AGA: variants seen among roughly 807,000 people sequenced by gnomAD.
AGA encodes the protein N(4)-(beta-N-acetylglucosaminyl)-L-asparaginase.
AGA carries 31 observed loss-of-function variants against 40.1 expected under a neutral mutation model. The ratio of observed to expected loss-of-function variants is 0.77; its 90% CI spans 0.58 to 1.04. AGA has a LOEUF of 1.04. Ranked by LOEUF, AGA falls within the 50% of genes least tolerant of loss-of-function variation. AGA has a pLI of 0.00. For synonymous variants in AGA, 148 were observed against 144.0 expected, an observed-to-expected ratio of 1.03 and a Z score of -0.20; for missense variants, 445 against 435.4, an observed-to-expected ratio of 1.02 and a Z score of -0.20.
Position 177,431,196 on chromosome 4 carries a change from T to C in AGA, c.*512A>G, listed in dbSNP as rs563420628. On this transcript the variant is annotated 3_prime_UTR_variant, in exon 9 of 9. Transcript: ENST00000264595. ...AAAACAAAGAGTATCTCATGTTCTATCATCTTCCTTCCTCAAGTTTTTAGG... is the reference window on the plus strand; with the variant it reads ...AAAACAAAGAGTATCTCATGTTCTACCATCTTCCTTCCTCAAGTTTTTAGG... The C allele has an allele frequency of 4.5e-6, 2 of 440,788 alleles. No individual in the cohort carries two copies. Among genetic ancestry groups the C allele is most frequent in the South Asian group, 3.3e-5 (2 of 61,058 alleles). The allele number at this position is 440,788 out of a possible 1,614,324, so 27.3% of individuals were successfully genotyped here.
rs906239479 is a variant in AGA at position 177,430,788 on chromosome 4, A to T, written c.*920T>A. On this transcript the variant is annotated 3_prime_UTR_variant, in exon 9 of 9. Coordinates refer to ENST00000264595, the MANE Select transcript of AGA (RefSeq NM_000027.4). ...AAATTCTAAAGTTTGAATATCGTAC[A>T]TGTACATTTATTAATGACTGTTGAT... The T allele has an allele frequency of 4.4e-6, 2 of 453,166 alleles. No homozygotes were observed. The highest frequency in any genetic ancestry group is 8.8e-6 in the Non-Finnish European group (2 of 226,146). 28.1% of individuals were successfully genotyped at this position (453,166 alleles called of 1,614,324 possible).
Position 177,431,033 on chromosome 4 carries a change from CTAAA to C in AGA, c.*671_*674del, listed in dbSNP as rs1243641890. ...TCATTTTTAAAAGAAACGATCAATA[CTAAA>C]TATTAGCAGCTAAAACATCATTGAT... is the stretch of plus-strand genomic sequence containing the variant. On this transcript the variant is annotated 3_prime_UTR_variant, in exon 9 of 9. Coordinates refer to ENST00000264595, the MANE Select transcript of AGA (RefSeq NM_000027.4). 5.9e-5 allele frequency: 27 copies of C among 453,880 alleles called. No homozygotes were observed. Among genetic ancestry groups the C allele is most frequent in the Non-Finnish European group, 1.1e-4 (24 of 226,772 alleles). 28.1% of individuals were successfully genotyped at this position (453,880 alleles called of 1,614,324 possible).
chr4:177,431,612 T>C lies in AGA; in HGVS notation c.*96A>G, dbSNP rs141424240. ...TTGTGTTTATTTTACAAAAAGACTT[T>C]AGAACACATGAGGAACACTAGATGA... On this transcript the variant is annotated 3_prime_UTR_variant, in exon 9 of 9. Coordinates refer to ENST00000264595, the MANE Select transcript of AGA (RefSeq NM_000027.4). 9.8e-7 allele frequency: 1 copy of C among 1,021,018 alleles called. No homozygotes were observed. Among genetic ancestry groups the C allele is most frequent in the African/African-American group, 1.6e-5 (1 of 62,770 alleles). The allele number at this position is 1,021,018 out of a possible 1,614,324, so 63.2% of individuals were successfully genotyped here.
chr4:177,438,387 G>C (rs1736889801), intron 4 of AGA, among the ~76,000 whole-genome samples: 1 of 152,144 alleles, frequency 6.6e-6, no homozygotes, highest in Non-Finnish European at 1.5e-5. Context: ...TGGATACACT[G>C]CACGTAAAAT....
intron 6 of AGA, among the ~76,000 whole-genome samples, chr4:177,435,246 T>C (rs1448816105): frequency 6.6e-6 from 1 of 152,228 alleles, no homozygotes; most frequent in Non-Finnish European, 1.5e-5. Flanking sequence ...GTTCTCACCA[T>C]AATAAAATAG....
intron 6 of AGA, among the ~76,000 whole-genome samples, chr4:177,435,179 G>A (rs1047557459): frequency 5.3e-5 from 8 of 151,976 alleles, no homozygotes; most frequent in Admixed American, 3.3e-4. Flanking sequence ...CCAAAGAGCT[G>A]GGATTACAGG....
intron 4 of AGA, among the ~76,000 whole-genome samples, chr4:177,438,369 C>G (rs1325960479): frequency 6.6e-6 from 1 of 152,138 alleles, no homozygotes; most frequent in Non-Finnish European, 1.5e-5. Flanking sequence ...AAGTCAAGAA[C>G]AAGATACTGG....
rs752914246 is a variant in AGA, at chr4:177,439,669, C to T, written c.301G>A (p.Ala101Thr). 1.9e-6 allele frequency: 3 copies of T among 1,609,528 alleles called. No homozygotes were observed. The highest frequency in any genetic ancestry group is 2.7e-5 in the African/African-American group (2 of 74,798). Residue 101 changes from alanine to threonine, a missense_variant, in exon 3 of 9, where the codon GCA becomes ACA. Coordinates refer to ENST00000264595, the MANE Select transcript of AGA (RefSeq NM_000027.4). ...IMDGTTMDVG[A>T]VGDLRRIKNA... ...TTAATTCGTCTGAGATCTCCTACTGCTCCTACATCCATAGTAGTGCTGCAA... is the reference window on the plus strand; with the variant it reads ...TTAATTCGTCTGAGATCTCCTACTGTTCCTACATCCATAGTAGTGCTGCAA...
intron 3 of AGA, among the ~76,000 whole-genome samples, chr4:177,439,340 C>T (rs927189285): frequency 2.0e-5 from 3 of 152,170 alleles, no homozygotes; most frequent in Admixed American, 1.3e-4. Flanking sequence ...GAGATCGCGC[C>T]ATTGCACTCC....
At chr4:177,439,053 A>G (rs1736910011) in intron 3 of AGA, among the ~76,000 whole-genome samples, 196 bp from the exon 4 acceptor site, 1 of 152,184 alleles carries the variant, frequency 6.6e-6, no homozygotes, top group Non-Finnish European at 1.5e-5. Context: ...TTCCTAAAAC[A>G]GATCCACTTA....
rs537097287 is a variant in AGA, at chr4:177,442,355, C to G, written c.21G>C (p.Leu7Phe). The G allele has an allele frequency of 1.2e-6, 2 of 1,614,094 alleles. No homozygotes were observed. Among genetic ancestry groups the G allele is most frequent in the Non-Finnish European group, 8.5e-7 (1 of 1,179,960 alleles). Residue 7 changes from leucine to phenylalanine, a missense_variant, in exon 1 of 9, where the codon TTG becomes TTC. By Grantham distance (22) the Leu-to-Phe change is conservative (BLOSUM62 0). Transcript: ENST00000264595. Reference sequence around the variant, plus strand: ...GCAGAAACGGCACGAGAAGCACAGGCAAGTTCGACTTCCGCGCCATCCCTG... The same window carrying G: ...GCAGAAACGGCACGAGAAGCACAGGGAAGTTCGACTTCCGCGCCATCCCTG... MARKSN[L>F]PVLLVPFLLC...
At chr4:177,433,877 G>A (rs1736708825) in intron 7 of AGA, among the ~76,000 whole-genome samples, 1 of 151,302 alleles carries the variant, frequency 6.6e-6, no homozygotes, top group South Asian at 2.1e-4. Flanking sequence ...ACAGGACTAT[G>A]ATTACTTAAC....
At position 177,440,442 on chromosome 4, in the gene AGA, C is replaced by T. The variant is rs2111022036; in HGVS notation, c.128-16G>A. ...GCCCTCCACGCTGTTAATCAAATCC[C>T]AATAATGCTTGTTTATATATATATT... On this transcript the variant is annotated splice_polypyrimidine_tract_variant and intron_variant, in intron 1 of 8. Coordinates refer to ENST00000264595, the MANE Select transcript of AGA (RefSeq NM_000027.4). 2 of 1,612,562 alleles carry T rather than the reference C, an allele frequency of 1.2e-6. No homozygotes were observed. Among genetic ancestry groups the T allele is most frequent in the Non-Finnish European group, 1.7e-6 (2 of 1,179,626 alleles).
At position 177,438,739 on chromosome 4, in the gene AGA, GCATA is replaced by G; in HGVS notation, c.507+2_507+5del. 1 of 1,534,174 alleles carries G rather than the reference GCATA, an allele frequency of 6.5e-7. No homozygotes were observed. Among genetic ancestry groups the G allele is most frequent in the Non-Finnish European group, 9.0e-7 (1 of 1,107,266 alleles). On this transcript the variant is annotated splice_donor_variant and splice_donor_5th_base_variant and intron_variant, in intron 4 of 8. Transcript: ENST00000264595. LOFTEE classifies it high-confidence loss of function. ...ACTTATTTTTTTAAATTAAATGTGT[GCATA>G]CCCTCCAATAATTTGGCTGGCAATT...
intron 1 of AGA, among the ~76,000 whole-genome samples, chr4:177,441,602 C>G (rs192487638): frequency 6.6e-6 from 1 of 152,198 alleles, no homozygotes; most frequent in African/African-American, 2.4e-5. Flanking sequence ...GGTTCTCAAC[C>G]CTGTCTGCAA....
chr4:177,440,900 A>C (rs966326480), intron 1 of AGA, among the ~76,000 whole-genome samples: 2 of 152,172 alleles, frequency 1.3e-5, no homozygotes, highest in African/African-American at 4.8e-5. Flanking sequence ...AAACAATTAC[A>C]ACGTGGACTT....
intron 1 of AGA, among the ~76,000 whole-genome samples, chr4:177,441,883 G>C (rs1399364658): frequency 1.3e-5 from 2 of 152,186 alleles, no homozygotes; most frequent in Non-Finnish European, 2.9e-5. Flanking sequence ...GATTAGAAAC[G>C]AGAGGTGGAG....
chr4:177,436,374 C>T, intron 5 of AGA, 23 bp from the exon 6 acceptor site: 1 of 1,539,778 alleles, frequency 6.5e-7, no homozygotes, highest in Non-Finnish European at 9.0e-7. Context: ...AAAAAAAAAT[C>T]ACTGTAGGTG....
chr4:177,434,773 G>A (rs1019820036), intron 6 of AGA, among the ~76,000 whole-genome samples: 1 of 152,164 alleles, frequency 6.6e-6, no homozygotes, highest in East Asian at 1.9e-4. Context: ...GGGGGAGGGG[G>A]ACCTGGCGAG....
Sources: allele counts gnomAD v4.1 joint callset (sites outside exome capture counted in the v4.1 genomes callset), GRCh38; gene constraint gnomAD v4.1.1; transcripts MANE v1.5; gene names NCBI Gene and HGNC (gene_info 2026-07-23, HGNC 2026-07-21).